HERC4: variants seen among roughly 807,000 people sequenced by gnomAD.
The protein encoded by HERC4 is HECT and RLD domain containing E3 ubiquitin protein ligase 4, also known as probable E3 ubiquitin-protein ligase HERC4.
Under a neutral mutation model 124.3 loss-of-function variants are expected in HERC4, and 28 were observed. The ratio of observed to expected loss-of-function variants is 0.23; its 90% CI spans 0.17 to 0.31. The LOEUF (loss-of-function observed/expected upper bound fraction) is 0.31, where lower values mean the gene tolerates loss of function less well. Among genes scored for constraint, HERC4 ranks in the 10% least tolerant of loss-of-function variants. HERC4 has a pLI of 1.00. For synonymous variants in HERC4, 407 were observed against 421.5 expected (o/e 0.97, Z 0.42); for missense variants, 713 against 1,229.3 (o/e 0.58, Z 6.28).
rs148647741 is a variant in HERC4, at chr10:67,999,463, T to C, written c.1070-6781A>G. On this transcript the variant is annotated intron_variant, in intron 9 of 24. Coordinates refer to ENST00000373700, the MANE Select transcript of HERC4 (RefSeq NM_015601.4). ...CAACAAAGGAGTCTCAGAGCCCTATTAAAAGGATTCCAACAGGTATGTGAA... is the reference window on the plus strand; with the variant it reads ...CAACAAAGGAGTCTCAGAGCCCTATCAAAAGGATTCCAACAGGTATGTGAA... Among the ~76,000 whole-genome samples the C allele has an allele frequency of 2.9e-3, 446 of 152,296 alleles. 1 individual carries two copies. The highest frequency in any genetic ancestry group is 0.01 in the African/African-American group (434 of 41,568).
intron 22 of HERC4, among the ~76,000 whole-genome samples, chr10:67,934,384 T>C (rs1172516964): frequency 1.3e-5 from 2 of 152,222 alleles, no homozygotes; most frequent in African/African-American, 4.8e-5. Context: ...ATACTAGATA[T>C]TTATTTCTCT....
chr10:67,977,236 G>T (rs1174860101), intron 15 of HERC4, among the ~76,000 whole-genome samples: 1 of 152,160 alleles, frequency 6.6e-6, no homozygotes, highest in Non-Finnish European at 1.5e-5. Flanking sequence ...CAGCTGGATA[G>T]GGCACCAGTC....
intron 23 of HERC4, among the ~76,000 whole-genome samples, chr10:67,925,809 T>G (rs2030855653): frequency 6.6e-6 from 1 of 152,172 alleles, no homozygotes. Context: ...AACATCCCTA[T>G]ATGGAGAGAA....
chr10:67,935,653 A>G (rs991803348), intron 22 of HERC4, among the ~76,000 whole-genome samples: 1 of 152,206 alleles, frequency 6.6e-6, no homozygotes, highest in Non-Finnish European at 1.5e-5. Context: ...TCTCCTGCCC[A>G]GGCCAGAGAG....
rs528976707 is a variant in HERC4 at position 68,007,159 on chromosome 10, C to T, written c.1069+6867G>A. Among the ~76,000 whole-genome samples the T allele has an allele frequency of 2.6e-3, 393 of 152,130 alleles. 1 individual carries two copies. The highest frequency in any genetic ancestry group is 9.2e-3 in the African/African-American group (380 of 41,512). ...CTAGATCCTGTGGGAGTATTTCACT[C>T]TTTTTTCTTTTGTCAACTCTGTATA... is the stretch of plus-strand genomic sequence containing the variant. On this transcript the variant is annotated intron_variant, in intron 9 of 24. Transcript: ENST00000373700.
chr10:68,059,681 CATA>C (rs563010932), intron 3 of HERC4, among the ~76,000 whole-genome samples: 494 of 42,946 alleles, frequency 0.012, 127 homozygotes, highest in African/African-American at 0.069. Context: ...TATTATATAT[CATA>C]ATATTATATA....
chr10:67,953,873 T>TA (rs2033972254), intron 19 of HERC4, among the ~76,000 whole-genome samples: 1 of 152,154 alleles, frequency 6.6e-6, no homozygotes, highest in African/African-American at 2.4e-5. Context: ...CCTGATGAAT[T>TA]AGAGTCTAGG....
Position 67,971,120 on chromosome 10 carries a change from A to G in HERC4, c.1807-4318T>C, listed in dbSNP as rs188144990. Among the ~76,000 whole-genome samples, 11 of 152,234 alleles carry G rather than the reference A, an allele frequency of 7.2e-5. No homozygotes were observed. The East Asian group carries it at 1.7e-3, about 24-fold the overall frequency. ...AAGAAACAGAAAACCTGAAATGTCT[A>G]TATTTATTTTTTAAATTTAATAGGA... On this transcript the variant is annotated intron_variant, in intron 15 of 24. Coordinates refer to ENST00000373700, the MANE Select transcript of HERC4 (RefSeq NM_015601.4).
In HERC4 at chr10:67,927,430, ATTTTTT is replaced by A. The variant is rs373401588; in HGVS notation, c.2839-2249_2839-2244del. ...TATATATATATATATATATATATAT[ATTTTTT>A]TTTTTTTTTAGATAGAGTCTTGCTC... On this transcript the variant is annotated intron_variant, in intron 23 of 24. Coordinates refer to ENST00000373700, the MANE Select transcript of HERC4 (RefSeq NM_015601.4). Among the ~76,000 whole-genome samples, 81 of 37,878 alleles carry A rather than the reference ATTTTTT, an allele frequency of 2.1e-3. 1 individual carries two copies. Among genetic ancestry groups the A allele is most frequent in the African/African-American group, 4.3e-3 (74 of 17,330 alleles). 24.8% of individuals were successfully genotyped at this position (37,878 alleles called of 152,430 possible). A position where few individuals can be genotyped will look rare whatever the true frequency, so the allele number is the denominator to read the frequency against.
chr10:68,032,397 G>A (rs1035018277), intron 7 of HERC4, among the ~76,000 whole-genome samples: 3 of 152,134 alleles, frequency 2.0e-5, no homozygotes, highest in African/African-American at 7.2e-5. Context: ...TAAGCCAAAT[G>A]GAAACTACAT....
chr10:67,974,081 C>T (rs150364120), intron 15 of HERC4, among the ~76,000 whole-genome samples: 40,321 of 80,244 alleles, frequency 0.5, 11,328 homozygotes, highest in Non-Finnish European at 0.68. Flanking sequence ...TGTACACACA[C>T]ACACACACAC....
chr10:67,975,877 A>G (rs2035555870), intron 15 of HERC4, among the ~76,000 whole-genome samples: 1 of 151,952 alleles, frequency 6.6e-6, no homozygotes, highest in Non-Finnish European at 1.5e-5. Flanking sequence ...CATTTGGGAG[A>G]AACTGACCAG....
intron 19 of HERC4, among the ~76,000 whole-genome samples, chr10:67,950,012 C>T (rs117372673): frequency 0.096 from 14,573 of 151,354 alleles, 897 homozygotes; most frequent in Middle Eastern, 0.18. Context: ...GAGCAAGACT[C>T]CATCAATCAA....
At chr10:68,042,550 G>C (rs1300163094) in intron 4 of HERC4, among the ~76,000 whole-genome samples, 1 of 152,192 alleles carries the variant, frequency 6.6e-6, no homozygotes, top group Admixed American at 6.5e-5. Flanking sequence ...TTGAGCCCAG[G>C]AGGTCGAGGC....
intron 7 of HERC4, among the ~76,000 whole-genome samples, chr10:68,032,181 G>T (rs482806): frequency 3.9e-5 from 6 of 152,000 alleles, no homozygotes; most frequent in Admixed American, 2.6e-4. Flanking sequence ...ATCTGGTAAA[G>T]GTTAACTGAA....
At position 67,963,687 on chromosome 10, in the gene HERC4, C is replaced by A. The variant is rs769783840; in HGVS notation, c.1926+2996G>T. On this transcript the variant is annotated intron_variant, in intron 16 of 24. Coordinates refer to ENST00000373700, the MANE Select transcript of HERC4 (RefSeq NM_015601.4). ...GGGTCCACATATCCCTCCAAATGTT[C>A]TGAATCCTTTCAAAAACACTGCTAA... 4.6e-5 allele frequency among the ~76,000 whole-genome samples: 7 copies of A among 152,122 alleles called. No individual in the cohort carries two copies. The South Asian group carries it at 1.5e-3, about 32-fold the overall frequency.
At position 67,954,646 on chromosome 10, in the gene HERC4, G is replaced by A. The variant is rs547843471; in HGVS notation, c.2286C>T (p.Tyr762=). 97 of 1,612,982 alleles carry A rather than the reference G, an allele frequency of 6.0e-5. 1 individual carries two copies. The highest frequency in any genetic ancestry group is 1.3e-4 in the Admixed American group (8 of 59,946). ...AATCTTCATAATACCTAAACATGCCGTATTTAGGATCCAATAATTCCCTCA... is the reference window on the plus strand; with the variant it reads ...AATCTTCATAATACCTAAACATGCCATATTTAGGATCCAATAATTCCCTCA... The part of the protein sequence containing the change: ...LIMRELLDPK[Y]GMFRYYEDSR... Residue 762 remains tyrosine, a synonymous_variant, in exon 19 of 25, where the codon TAC becomes TAT. Transcript: ENST00000373700.
intron 15 of HERC4, among the ~76,000 whole-genome samples, chr10:67,972,263 G>A (rs143797020): frequency 0.098 from 14,266 of 146,068 alleles, 890 homozygotes; most frequent in Middle Eastern, 0.2. Flanking sequence ...GGCTCACACC[G>A]GTAATCCCAG....
At chr10:67,948,649 G>A (rs1259095473) in intron 19 of HERC4, among the ~76,000 whole-genome samples, 1 of 152,182 alleles carries the variant, frequency 6.6e-6, no homozygotes, top group Non-Finnish European at 1.5e-5. Context: ...GGCCAGGCAT[G>A]GTGGCTCACA....
Sources: allele counts gnomAD v4.1 joint callset (sites outside exome capture counted in the v4.1 genomes callset), GRCh38; gene constraint gnomAD v4.1.1; transcripts MANE v1.5; gene names NCBI Gene and HGNC (gene_info 2026-07-23, HGNC 2026-07-21).